Variants in CYB561D2 observed in about 807,000 individuals in gnomAD.
The protein encoded by CYB561D2 is transmembrane reductase CYB561D2.
Under a neutral mutation model 20.2 loss-of-function variants are expected in CYB561D2, and 16 were observed. The ratio of observed to expected loss-of-function variants is 0.79; its 90% CI spans 0.53 to 1.20. The LOEUF (loss-of-function observed/expected upper bound fraction) is 1.20, where lower values mean the gene tolerates loss of function less well. CYB561D2 is among the 50% of genes most tolerant of loss of function. CYB561D2 has a pLI of 0.00. For missense variants in CYB561D2, 247 were observed against 270.3 expected (o/e 0.91, Z 0.60); for synonymous variants, 135 against 128.3 (o/e 1.05, Z -0.35).
At chr3:50,353,118 TG>T in intron 3 of CYB561D2, 122 bp from the exon 4 acceptor site, 1 of 1,378,960 alleles carries the variant, frequency 7.3e-7, no homozygotes, top group Non-Finnish European at 9.7e-7. Context: ...GTCTTGTCAG[TG>T]GGGAGAGAAA....
chr3:50,352,293 A>G (rs1337349111), intron 3 of CYB561D2, among the ~76,000 whole-genome samples: 4 of 152,012 alleles, frequency 2.6e-5, no homozygotes, highest in Non-Finnish European at 5.9e-5. Context: ...ATCTTGGCCA[A>G]CATGGTGAAA....
intron 1 of CYB561D2, 27 bp from the exon 2 acceptor site, chr3:50,351,382 T>A: frequency 6.3e-7 from 1 of 1,592,998 alleles, no homozygotes; most frequent in Non-Finnish European, 8.6e-7. Context: ...GCACCTGAGA[T>A]CCTGGCCCAC....
At chr3:50,351,126 G>C (rs934982447) in intron 1 of CYB561D2, 142 bp downstream of exon 1, 1 of 446,892 alleles carries the variant, frequency 2.2e-6, no homozygotes, top group South Asian at 3.7e-5. Context: ...CTCTACTGCC[G>C]GCGACGGCGT....
rs1703745265 is a variant in CYB561D2 at position 50,351,055 on chromosome 3, T to C, written c.-26+71T>C. 4 of 515,036 alleles carry C rather than the reference T, an allele frequency of 7.8e-6. No individual in the cohort carries two copies. The South Asian group carries it at 1.2e-4, about 16-fold the overall frequency. The allele number at this position is 515,036 out of a possible 1,614,324, so 31.9% of individuals were successfully genotyped here. A position where few individuals can be genotyped will look rare whatever the true frequency, so the allele number is the denominator to read the frequency against. ...AGGCGGTGCGCTAAGGGATTCACGC[T>C]GTAACTGGGACCGCAGCAGGGAACT... is the stretch of plus-strand genomic sequence containing the variant. On this transcript the variant is annotated intron_variant, in intron 1 of 3. Transcript: ENST00000425346.
At chr3:50,351,216 G>C in intron 1 of CYB561D2, 193 bp from the exon 2 acceptor site, 1 of 613,678 alleles carries the variant, frequency 1.6e-6, no homozygotes, top group Non-Finnish European at 2.7e-6. Context: ...TACCAGTTCA[G>C]ACATGGGTAC....
At position 50,351,419 on chromosome 3, in the gene CYB561D2, CT is replaced by C; in HGVS notation, c.-14del. 5.0e-6 allele frequency: 8 copies of C among 1,612,640 alleles called. No individual in the cohort carries two copies. Among genetic ancestry groups the C allele is most frequent in the African/African-American group, 1.3e-5 (1 of 75,038 alleles). On this transcript the variant is annotated 5_prime_UTR_variant, in exon 2 of 4. Coordinates refer to ENST00000425346, the MANE Select transcript of CYB561D2 (RefSeq NM_001291284.2). ...CTACTATGCTTTCAGGCTACAACCA[CT>C]AGCACGGCTGACGATGGCCCTTTCT...
Position 50,353,746 on chromosome 3 carries a change from C to G in CYB561D2, c.*2C>G. 6.3e-7 allele frequency: 1 copy of G among 1,586,086 alleles called. No individual in the cohort carries two copies. Among genetic ancestry groups the G allele is most frequent in the Non-Finnish European group, 8.6e-7 (1 of 1,162,498 alleles). ...TACCGCAAGAGGATCCAACCATGAG[C>G]TCTTCCCAGCCTAGGGGAAGCCTGG... is the stretch of plus-strand genomic sequence containing the variant. On this transcript the variant is annotated 3_prime_UTR_variant, in exon 4 of 4. Coordinates refer to ENST00000425346, the MANE Select transcript of CYB561D2 (RefSeq NM_001291284.2).
At position 50,351,291 on chromosome 3, in the gene CYB561D2, T is replaced by C. The variant is rs1685719752; in HGVS notation, c.-25-118T>C. ...CCATTCCTGGTGCTGGTCTTGGTAC[T>C]GTTCTTTCCTACCATAACTTATTGG... On this transcript the variant is annotated intron_variant, in intron 1 of 3. Coordinates refer to ENST00000425346, the MANE Select transcript of CYB561D2 (RefSeq NM_001291284.2). 40 of 1,163,358 alleles carry C rather than the reference T, an allele frequency of 3.4e-5. No individual in the cohort carries two copies. In the South Asian group the frequency reaches 5.6e-4, roughly 16 times the overall value. The allele number at this position is 1,163,358 out of a possible 1,614,324, so 72.1% of individuals were successfully genotyped here. A position where few individuals can be genotyped will look rare whatever the true frequency, so the allele number is the denominator to read the frequency against.
intron 2 of CYB561D2, 25 bp from the exon 3 acceptor site, chr3:50,351,984 A>G (rs752821236): frequency 2.5e-6 from 4 of 1,613,556 alleles, no homozygotes; most frequent in Non-Finnish European, 3.4e-6. Flanking sequence ...CCTCAGCCCC[A>G]TGAGGCCTCC....
rs1703827653 is a variant in CYB561D2, at chr3:50,353,897, T to G, written c.*153T>G. 1.2e-6 allele frequency: 1 copy of G among 814,520 alleles called. No individual in the cohort carries two copies. Among genetic ancestry groups the G allele is most frequent in the African/African-American group, 1.7e-5 (1 of 58,158 alleles). The allele number at this position is 814,520 out of a possible 1,614,324, so 50.5% of individuals were successfully genotyped here. On this transcript the variant is annotated 3_prime_UTR_variant, in exon 4 of 4. Coordinates refer to ENST00000425346, the MANE Select transcript of CYB561D2 (RefSeq NM_001291284.2). ...CCCGTGTGTGAATTCCTGCTCCTCATGCTGGAGTGCCTCCCATTTCCTTCC... is the reference window on the plus strand; with the variant it reads ...CCCGTGTGTGAATTCCTGCTCCTCAGGCTGGAGTGCCTCCCATTTCCTTCC...
intron 1 of CYB561D2, 24 bp downstream of exon 1, chr3:50,351,008 A>G (rs1469184967): frequency 3.4e-6 from 3 of 877,778 alleles, no homozygotes; most frequent in Non-Finnish European, 4.6e-6. Flanking sequence ...GTGGAGGGGC[A>G]GCATGCTGGC....
intron 3 of CYB561D2, among the ~76,000 whole-genome samples, chr3:50,352,412 G>A (rs1703788217): frequency 1.3e-5 from 2 of 151,476 alleles, no homozygotes; most frequent in African/African-American, 2.4e-5. Context: ...CCCAGGAGAC[G>A]GAGGTTGCAG....
Position 50,353,651 on chromosome 3 carries a change from G to T in CYB561D2, c.576G>T (p.Trp192Cys). Residue 192 changes from tryptophan to cysteine, a missense_variant, in exon 4 of 4, where the codon TGG becomes TGT. Physicochemically the swap from Trp to Cys is radical, Grantham distance 215. Coordinates refer to ENST00000425346, the MANE Select transcript of CYB561D2 (RefSeq NM_001291284.2). ...CTGCCTCTGTCACTGGTGCAGCCTGGTACCTGGCTGTATTATGCCCTGTCC... is the reference window on the plus strand; with the variant it reads ...CTGCCTCTGTCACTGGTGCAGCCTGTTACCTGGCTGTATTATGCCCTGTCC... ...WFTASVTGAA[W>C]YLAVLCPVLT... The T allele has an allele frequency of 6.2e-7, 1 of 1,613,640 alleles. No homozygotes were observed. The highest frequency in any genetic ancestry group is 2.2e-5 in the East Asian group (1 of 44,896).
intron 1 of CYB561D2, 41 bp downstream of exon 1, chr3:50,351,025 T>A: frequency 2.9e-6 from 2 of 694,076 alleles, no homozygotes; most frequent in Non-Finnish European, 4.1e-6. Flanking sequence ...TGGCAGCACT[T>A]GGGGAGGCGG....
intron 1 of CYB561D2, 37 bp from the exon 2 acceptor site, chr3:50,351,372 G>A: frequency 1.3e-6 from 2 of 1,584,000 alleles, no homozygotes; most frequent in Non-Finnish European, 1.7e-6. Flanking sequence ...TGAACAGTGG[G>A]CACCTGAGAT....
intron 2 of CYB561D2, 38 bp downstream of exon 2, chr3:50,351,598 G>A: frequency 6.3e-7 from 1 of 1,596,394 alleles, no homozygotes; most frequent in Non-Finnish European, 8.6e-7. Flanking sequence ...GGAAGGGAAG[G>A]GCCACTGTTC....
In CYB561D2 at chr3:50,351,417, C is replaced by T. The variant is rs750610675; in HGVS notation, c.-17C>T. The T allele has an allele frequency of 2.2e-5, 35 of 1,612,292 alleles. No homozygotes were observed. Among genetic ancestry groups the T allele is most frequent in the Middle Eastern group, 1.6e-4 (1 of 6,078 alleles). ...CGCTACTATGCTTTCAGGCTACAAC[C>T]ACTAGCACGGCTGACGATGGCCCTT... On this transcript the variant is annotated 5_prime_UTR_variant, in exon 2 of 4. Transcript: ENST00000425346.
chr3:50,353,633 T>C lies in CYB561D2; in HGVS notation c.558T>C (p.Ser186=), dbSNP rs1281861865. ...LGMCSLWFTA[S]VTGAAWYLAV... is the part of the protein sequence containing the mutation. ...TGTGCTCACTCTGGTTCACTGCCTC[T>C]GTCACTGGTGCAGCCTGGTACCTGG... Residue 186 remains serine (S), a synonymous_variant, in exon 4 of 4, where the codon TCT becomes TCC. Coordinates refer to ENST00000425346, the MANE Select transcript of CYB561D2 (RefSeq NM_001291284.2). The C allele has an allele frequency of 1.9e-6, 3 of 1,613,642 alleles. No individual in the cohort carries two copies. Among genetic ancestry groups the C allele is most frequent in the Non-Finnish European group, 2.5e-6 (3 of 1,180,042 alleles).
In CYB561D2 at chr3:50,353,712, G is replaced by T. The variant is rs1409719070; in HGVS notation, c.637G>T (p.Ala213Ser). 6.2e-7 allele frequency: 1 copy of T among 1,610,112 alleles called. No individual in the cohort carries two copies. Residue 213 changes from alanine to serine, a missense_variant, in exon 4 of 4, where the codon GCC (alanine) becomes TCC (serine). Transcript: ENST00000425346. Reference sequence around the variant, plus strand: ...GGTCATTATGAACCAGGTGAGCAATGCCTACCTATACCGCAAGAGGATCCA... The same window carrying T: ...GGTCATTATGAACCAGGTGAGCAATTCCTACCTATACCGCAAGAGGATCCA... ...SLVIMNQVSN[A>S]YLYRKRIQP
Sources: allele counts gnomAD v4.1 joint callset (sites outside exome capture counted in the v4.1 genomes callset), GRCh38; gene constraint gnomAD v4.1.1; transcripts MANE v1.5; gene names NCBI Gene and HGNC (gene_info 2026-07-23, HGNC 2026-07-21).